The following NRCAM variants were observed in gnomAD, a reference collection of about 807,000 sequenced individuals.
NRCAM encodes neuronal cell adhesion molecule.
A neutral mutation model predicts 156.5 loss-of-function variants in NRCAM; 83 were observed. The ratio of observed to expected loss-of-function variants is 0.53; its 90% CI spans 0.44 to 0.64. The LOEUF is 0.64. NRCAM is among the 30% of genes least tolerant of loss of function. NRCAM has a pLI of 0.00. For missense variants in NRCAM, 1,417 were observed against 1,597.3 expected, an observed-to-expected ratio of 0.89 and a Z score of 1.92; for synonymous variants, 538 against 563.9, an observed-to-expected ratio of 0.95 and a Z score of 0.65.
chr7:108,331,213 A>G (rs1429156432), intron 2 of NRCAM, among the ~76,000 whole-genome samples: 1 of 152,106 alleles, frequency 6.6e-6, no homozygotes, highest in Non-Finnish European at 1.5e-5. Context: ...AGCCTGGGCA[A>G]CATAGTGAGA....
intron 32 of NRCAM, chr7:108,156,513 G>T: frequency 1.5e-6 from 1 of 676,320 alleles, no homozygotes; most frequent in Non-Finnish European, 1.8e-6. Flanking sequence ...CTGCTTGGGG[G>T]TGGGTGTCAG....
rs533472265 is a variant in NRCAM at position 108,363,864 on chromosome 7, C to T, written c.-174+35572G>A. Among the ~76,000 whole-genome samples the T allele has an allele frequency of 2.0e-4, 30 of 152,006 alleles. No homozygotes were observed. The South Asian group carries it at 4.8e-3, about 24-fold the overall frequency. Reference sequence around the variant, plus strand: ...TTCACCTCAAAACTGTCAAGGTCATCAAAAACAAGGAAAGTCTGAGAAACT... The same window carrying T: ...TTCACCTCAAAACTGTCAAGGTCATTAAAAACAAGGAAAGTCTGAGAAACT... On this transcript the variant is annotated intron_variant, in intron 2 of 32. Coordinates refer to ENST00000379028, the MANE Select transcript of NRCAM (RefSeq NM_001037132.4).
rs2060018225 is a variant in NRCAM at position 108,175,193 on chromosome 7, T to C, written c.3187+129A>G. ...CTAGAAATTAATTTTAAAGCCAAGA[T>C]TGGATGAGATCTTCTCTTCTTTTGG... On this transcript the variant is annotated intron_variant, in intron 28 of 32. Transcript: ENST00000379028. 3.4e-5 allele frequency: 22 copies of C among 653,338 alleles called. 1 individual carries two copies. In the South Asian group the frequency reaches 4.4e-4, roughly 13 times the overall value. 40.5% of individuals were successfully genotyped at this position (653,338 alleles called of 1,614,324 possible).
chr7:108,303,948 A>AT (rs1216274368), intron 3 of NRCAM, among the ~76,000 whole-genome samples: 6 of 152,156 alleles, frequency 3.9e-5, no homozygotes, highest in African/African-American at 1.4e-4. Flanking sequence ...ACTGTGCTGT[A>AT]TACACTCCAT....
chr7:108,307,867 T>C lies in NRCAM; in HGVS notation c.-107+4798A>G, dbSNP rs144256526. 4.1e-4 allele frequency among the ~76,000 whole-genome samples: 62 copies of C among 152,196 alleles called. No individual in the cohort carries two copies. The East Asian group carries it at 0.011, about 27-fold the overall frequency. On this transcript the variant is annotated intron_variant, in intron 3 of 32. Coordinates refer to ENST00000379028, the MANE Select transcript of NRCAM (RefSeq NM_001037132.4). ...CCTCCAAAAGCAGCCAGGGATGAAA[T>C]GGCCAGATGCTGGAAGGAAGAGACA...
intron 2 of NRCAM, among the ~76,000 whole-genome samples, chr7:108,333,321 A>C (rs2099146253): frequency 6.6e-6 from 1 of 152,182 alleles, no homozygotes; most frequent in Non-Finnish European, 1.5e-5. Flanking sequence ...TCTCTCTAGA[A>C]TATCTCTATA....
intron 2 of NRCAM, among the ~76,000 whole-genome samples, chr7:108,324,602 T>C (rs1166942181): frequency 6.6e-6 from 1 of 152,156 alleles, no homozygotes; most frequent in African/African-American, 2.4e-5. Flanking sequence ...CATCACAGAA[T>C]GGATGAAGGC....
chr7:108,159,654 T>C (rs1250773149), intron 31 of NRCAM, 113 bp from the exon 32 acceptor site: 12 of 752,698 alleles, frequency 1.6e-5, no homozygotes, highest in South Asian at 3.2e-5. Flanking sequence ...CATACACAAG[T>C]AGATGTTGTA....
At chr7:108,168,644 A>T (rs1278214887) in intron 28 of NRCAM, among the ~76,000 whole-genome samples, 1 of 152,198 alleles carries the variant, frequency 6.6e-6, no homozygotes, top group Non-Finnish European at 1.5e-5. Context: ...GAGTTCTATT[A>T]TATGGGTTCT....
Position 108,180,526 on chromosome 7 carries a change from T to C in NRCAM, c.2647-99A>G. On this transcript the variant is annotated intron_variant, in intron 24 of 32. Coordinates refer to ENST00000379028, the MANE Select transcript of NRCAM (RefSeq NM_001037132.4). Reference sequence around the variant, plus strand: ...CTGTTGTTTTTCCAGAAAATTCCGTTGGTATATTTTAGAAGAAAATTACTA... The same window carrying C: ...CTGTTGTTTTTCCAGAAAATTCCGTCGGTATATTTTAGAAGAAAATTACTA... 4 of 957,482 alleles carry C rather than the reference T, an allele frequency of 4.2e-6. No individual in the cohort carries two copies. The South Asian group carries it at 6.6e-5, about 16-fold the overall frequency. 59.3% of individuals were successfully genotyped at this position (957,482 alleles called of 1,614,324 possible).
At chr7:108,329,359 T>C (rs1304547736) in intron 2 of NRCAM, among the ~76,000 whole-genome samples, 2 of 152,222 alleles carry the variant, frequency 1.3e-5, no homozygotes, top group Non-Finnish European at 2.9e-5. Flanking sequence ...ATTTCTAAAA[T>C]GTATTATGTC....
chr7:108,150,012 G>C lies in NRCAM; in HGVS notation c.3813C>G (p.Ser1271=). 1 of 1,614,026 alleles carries C rather than the reference G, an allele frequency of 6.2e-7. No individual in the cohort carries two copies. The highest frequency in any genetic ancestry group is 1.1e-5 in the South Asian group (1 of 91,072). The change falls in exon 33 of 33, where the codon TCC becomes TCG. Residue 1271 remains serine (S), a synonymous_variant. Coordinates refer to ENST00000379028, the MANE Select transcript of NRCAM (RefSeq NM_001037132.4). ...GVNGQFNEDG[S]FIGQYSGKKE... ...TCTTACCACTGTATTGTCCAATAAA[G>C]GAGCCATCCTCATTGAACTGGCCAT...
intron 28 of NRCAM, 105 bp downstream of exon 28, chr7:108,175,217 G>T: frequency 1.3e-6 from 1 of 772,654 alleles, no homozygotes. Flanking sequence ...CTCTTCTTTT[G>T]GTGGTTCAAA....
chr7:108,341,871 T>C (rs1368180936), intron 2 of NRCAM, among the ~76,000 whole-genome samples: 1 of 152,180 alleles, frequency 6.6e-6, no homozygotes, highest in African/African-American at 2.4e-5. Flanking sequence ...CTCAGGATTA[T>C]CAGTGAGGCC....
chr7:108,425,205 T>G (rs546879800), intron 1 of NRCAM, among the ~76,000 whole-genome samples: 55 of 152,290 alleles, frequency 3.6e-4, no homozygotes, highest in African/African-American at 1.2e-3. Context: ...AGAATATTAG[T>G]AAGATTATAA....
At chr7:108,159,334 G>C (rs1415280632) in intron 32 of NRCAM, 129 bp downstream of exon 32, 1 of 805,606 alleles carries the variant, frequency 1.2e-6, no homozygotes, top group Non-Finnish European at 2.2e-6. Flanking sequence ...CTGATACATG[G>C]AAGTATCCCT....
At chr7:108,301,579 A>T (rs1294124781) in intron 3 of NRCAM, among the ~76,000 whole-genome samples, 2 of 152,208 alleles carry the variant, frequency 1.3e-5, no homozygotes, top group Admixed American at 6.5e-5. Context: ...AAAAATTTTT[A>T]AAGTGCCAAC....
chr7:108,371,216 T>G lies in NRCAM; in HGVS notation c.-174+28220A>C, dbSNP rs142553403. Among the ~76,000 whole-genome samples the G allele has an allele frequency of 7.4e-4, 113 of 152,312 alleles. 1 individual carries two copies. The East Asian group carries it at 0.014, about 18-fold the overall frequency. On this transcript the variant is annotated intron_variant, in intron 2 of 32. Transcript: ENST00000379028. ...TAGCAGATATTAAAGGCTAAGCCTA[T>G]TGGTCATAAAAACACGTTAGTGTAA...
At chr7:108,380,450 T>C (rs1047563851) in intron 2 of NRCAM, among the ~76,000 whole-genome samples, 13 of 152,208 alleles carry the variant, frequency 8.5e-5, no homozygotes, top group Non-Finnish European at 1.6e-4. Flanking sequence ...TTTCTATAAG[T>C]TGTATTTGGT....
Sources: gnomAD v4.1 joint callset for allele counts (sites outside exome capture counted in the v4.1 genomes callset) on GRCh38, gnomAD v4.1.1 for gene constraint, MANE v1.5 for transcripts, NCBI Gene and HGNC (gene_info 2026-07-23, HGNC 2026-07-21) for gene names.